The following PRKN variants were observed in gnomAD, a reference collection of about 807,000 sequenced individuals.
PRKN encodes the protein parkin RBR E3 ubiquitin protein ligase.
A neutral mutation model predicts 59.5 loss-of-function variants in PRKN; 56 were observed. The observed-to-expected ratio is 0.94, with a 90% CI of 0.76 to 1.18. The LOEUF (loss-of-function observed/expected upper bound fraction) is 1.18. Ranked by LOEUF, PRKN falls within the 50% of genes most tolerant of loss-of-function variation. PRKN has a pLI of 0.00. For synonymous variants in PRKN, 250 were observed against 222.1 expected, an observed-to-expected ratio of 1.13 and a Z score of -1.12; for missense variants, 657 against 596.4, an observed-to-expected ratio of 1.10 and a Z score of -1.06.
intron 7 of PRKN, among the ~76,000 whole-genome samples, chr6:161,725,161 C>T (rs1232996606): frequency 6.6e-6 from 1 of 152,192 alleles, no homozygotes; most frequent in East Asian, 1.9e-4. Flanking sequence ...TTATAAATGA[C>T]CCAGCCTCAG....
chr6:162,274,702 G>A (rs1399569470), intron 2 of PRKN, among the ~76,000 whole-genome samples: 1 of 152,100 alleles, frequency 6.6e-6, no homozygotes, highest in Non-Finnish European at 1.5e-5. Flanking sequence ...TTAATCCATT[G>A]TAGAATTTCT....
At chr6:162,081,178 T>C (rs1269624488) in intron 4 of PRKN, among the ~76,000 whole-genome samples, 1 of 152,062 alleles carries the variant, frequency 6.6e-6, no homozygotes, top group Non-Finnish European at 1.5e-5. Flanking sequence ...CAACTCCTAT[T>C]AATCTTCATA....
chr6:162,435,594 T>C (rs536959629), intron 2 of PRKN, among the ~76,000 whole-genome samples: 9 of 152,340 alleles, frequency 5.9e-5, no homozygotes, highest in African/African-American at 1.4e-4. Flanking sequence ...GATCATTCTT[T>C]GATTCTAGAC....
chr6:162,023,678 ATGGGGGTGTGGCGGACCAGGG>A (rs2128276759), intron 5 of PRKN, among the ~76,000 whole-genome samples: 1 of 151,946 alleles, frequency 6.6e-6, no homozygotes, highest in African/African-American at 2.4e-5. Flanking sequence ...GAGACCCAGG[ATGGGGGTGTGGCGGACCAGGG>A]TGGTCTTAGA....
intron 6 of PRKN, among the ~76,000 whole-genome samples, chr6:161,910,140 A>C (rs1253713933): frequency 1.3e-5 from 2 of 152,208 alleles, no homozygotes; most frequent in African/African-American, 4.8e-5. Flanking sequence ...TCTCATGATA[A>C]ATCTTGAACA....
At chr6:162,059,805 C>T (rs932303021) in intron 4 of PRKN, among the ~76,000 whole-genome samples, 10 of 152,054 alleles carry the variant, frequency 6.6e-5, no homozygotes, top group Non-Finnish European at 1.3e-4. Flanking sequence ...ATTTTAGCAA[C>T]ACTAGCAGGG....
intron 4 of PRKN, among the ~76,000 whole-genome samples, chr6:162,155,958 T>A (rs1782494467): frequency 6.6e-6 from 1 of 152,176 alleles, no homozygotes; most frequent in Non-Finnish European, 1.5e-5. Context: ...CCAGGGCAAC[T>A]TGCTTCTTTA....
Position 162,687,684 on chromosome 6 carries a change from T to C in PRKN, c.7+39978A>G, listed in dbSNP as rs541104650. Among the ~76,000 whole-genome samples the C allele has an allele frequency of 1.4e-4, 22 of 152,352 alleles. No homozygotes were observed. In the South Asian group the frequency reaches 3.9e-3, roughly 27 times the overall value. ...CAAAAATTCCCCTTCTGAAAAATTA[T>C]AACAATTTGTTATTGAAGATGTGTA... is the stretch of plus-strand genomic sequence containing the variant. On this transcript the variant is annotated intron_variant, in intron 1 of 11. Transcript: ENST00000366898.
intron 5 of PRKN, among the ~76,000 whole-genome samples, chr6:162,033,106 G>A (rs527415891): frequency 6.6e-6 from 1 of 152,278 alleles, no homozygotes; most frequent in South Asian, 2.1e-4. Context: ...TGTCTCACAT[G>A]TTATGAATGA....
At chr6:161,760,272 G>GCCCACCA (rs1280036830) in intron 7 of PRKN, among the ~76,000 whole-genome samples, 1 of 147,770 alleles carries the variant, frequency 6.8e-6, no homozygotes, top group Admixed American at 6.8e-5. Context: ...TTTTCTAACT[G>GCCCACCA]CCCACCACAG....
At chr6:161,787,643 A>T (rs1380297590) in intron 6 of PRKN, among the ~76,000 whole-genome samples, 3 of 152,222 alleles carry the variant, frequency 2.0e-5, no homozygotes, top group Non-Finnish European at 4.4e-5. Flanking sequence ...TGTATATAAC[A>T]AAGTTAAAAA....
Position 161,402,914 on chromosome 6 carries a change from C to T in PRKN, c.1084-16037G>A, listed in dbSNP as rs1787111730. 6.6e-6 allele frequency among the ~76,000 whole-genome samples: 1 copy of T among 152,168 alleles called. No homozygotes were observed. Among genetic ancestry groups the T allele is most frequent in the African/African-American group, 2.4e-5 (1 of 41,426 alleles). The stretch of plus-strand genomic sequence containing the variant: ...GTGTCCACGTACTCATCTTCCCCGG[C>T]TGACACAATTCCCTGGGAGGGGATT... On this transcript the variant is annotated intron_variant, in intron 9 of 11. Coordinates refer to ENST00000366898, the MANE Select transcript of PRKN (RefSeq NM_004562.3). The surrounding 1 kb of genome is among the most constrained non-coding windows in gnomAD (Gnocchi z 4.5).
chr6:161,603,958 A>C (rs1294941221), intron 7 of PRKN, among the ~76,000 whole-genome samples: 1 of 152,194 alleles, frequency 6.6e-6, no homozygotes, highest in East Asian at 1.9e-4. Context: ...AGCCCCTTCT[A>C]CTATGTGAGG....
At chr6:162,190,127 T>A (rs1259198823) in intron 4 of PRKN, among the ~76,000 whole-genome samples, 1 of 152,314 alleles carries the variant, frequency 6.6e-6, no homozygotes, top group East Asian at 1.9e-4. Flanking sequence ...GAGATTCAAG[T>A]GGACCATGCC....
At chr6:162,477,579 A>T (rs1016351643) in intron 1 of PRKN, among the ~76,000 whole-genome samples, 6 of 152,182 alleles carry the variant, frequency 3.9e-5, no homozygotes, top group Non-Finnish European at 8.8e-5. Flanking sequence ...ATTGAGAACA[A>T]GATGCAAAGT....
intron 7 of PRKN, among the ~76,000 whole-genome samples, chr6:161,774,382 GCACACACACACACACACACACACA>G (rs3220723): frequency 1.7e-4 from 22 of 130,958 alleles, no homozygotes; most frequent in Non-Finnish European, 2.3e-4. Flanking sequence ...TACTCCCTGA[GCACACACACACACACACACACACA>G]CACACACACA....
chr6:162,354,851 C>A (rs1188375203), intron 2 of PRKN, among the ~76,000 whole-genome samples: 1 of 151,796 alleles, frequency 6.6e-6, no homozygotes, highest in African/African-American at 2.4e-5. Flanking sequence ...TTGAACTAAG[C>A]AAATAAATTA....
chr6:161,511,824 A>G (rs79196454), intron 9 of PRKN, among the ~76,000 whole-genome samples: 2 of 114,290 alleles, frequency 1.7e-5, no homozygotes, highest in African/African-American at 8.3e-5. Context: ...TGATCTTAGG[A>G]AAAAAAAAAA....
rs539607240 is a variant in PRKN at position 162,035,483 on chromosome 6, G to A, written c.618+18608C>T. ...CTGTGTTTAAAGTACATTCTCTCTCGTCCATATTTCTCCAGGATGATATGC... is the reference window on the plus strand; with the variant it reads ...CTGTGTTTAAAGTACATTCTCTCTCATCCATATTTCTCCAGGATGATATGC... On this transcript the variant is annotated intron_variant, in intron 5 of 11. Transcript: ENST00000366898. 1.8e-4 allele frequency among the ~76,000 whole-genome samples: 27 copies of A among 152,216 alleles called. No individual in the cohort carries two copies. In the South Asian group the frequency reaches 2.3e-3, roughly 13 times the overall value.
Sources: allele counts gnomAD v4.1 joint callset (sites outside exome capture counted in the v4.1 genomes callset), GRCh38; gene constraint gnomAD v4.1.1; non-coding constraint Gnocchi (gnomAD v3.1); transcripts MANE v1.5; gene names NCBI Gene and HGNC (gene_info 2026-07-23, HGNC 2026-07-21).